The following NEK11 variants were observed in gnomAD, a reference collection of about 807,000 sequenced individuals.
NEK11 encodes the protein serine/threonine-protein kinase Nek11.
A neutral mutation model predicts 80.7 loss-of-function variants in NEK11; 72 were observed. The observed-to-expected ratio is 0.89, with a 90% CI of 0.74 to 1.08. The LOEUF is 1.08. NEK11 is among the 50% of genes least tolerant of loss of function. NEK11 has a pLI of 0.00. For synonymous variants in NEK11, 251 were observed against 260.7 expected (o/e 0.96, Z 0.36); for missense variants, 764 against 763.6 (o/e 1.00, Z -0.01).
At chr3:131,046,232 T>C (rs958226493) in intron 3 of NEK11, among the ~76,000 whole-genome samples, 8 of 152,222 alleles carry the variant, frequency 5.3e-5, no homozygotes, top group Admixed American at 4.6e-4. Context: ...AGGTTCTATT[T>C]TGGTGTATTG....
rs765477458 is a variant in NEK11 at position 131,133,314 on chromosome 3, G to GGGAA, written c.521-499_521-496dup. On this transcript the variant is annotated intron_variant, in intron 6 of 17. Coordinates refer to ENST00000383366, the MANE Select transcript of NEK11 (RefSeq NM_024800.5). ...CTAATCATCATATAGGGTGTACTTG[G>GGGAA]GGAAGGAAGGAAGGAAGGAATAAAA... The GGGAA allele has an allele frequency of 4.7e-5, 21 of 447,070 alleles. No individual in the cohort carries two copies. The East Asian group carries it at 5.0e-4, about 11-fold the overall frequency. The allele number at this position is 447,070 out of a possible 1,614,324, so 27.7% of individuals were successfully genotyped here.
intron 3 of NEK11, among the ~76,000 whole-genome samples, chr3:131,051,715 C>T (rs537539961): frequency 6.6e-6 from 1 of 152,102 alleles, no homozygotes; most frequent in East Asian, 1.9e-4. Context: ...TACAGGGTTT[C>T]AATGTTGTCC....
At chr3:131,229,840 T>C (rs532359850) in intron 15 of NEK11, among the ~76,000 whole-genome samples, 2 of 151,818 alleles carry the variant, frequency 1.3e-5, no homozygotes, top group Admixed American at 6.6e-5. Flanking sequence ...GACAAATACA[T>C]GAAGAGAGAA....
At chr3:131,251,566 ATTGC>A (rs1439560917) in intron 16 of NEK11, among the ~76,000 whole-genome samples, 3 of 152,120 alleles carry the variant, frequency 2.0e-5, no homozygotes, top group Admixed American at 1.3e-4. Context: ...AGATTATCTG[ATTGC>A]AAGGTTCTGA....
rs888012080 is a variant in NEK11, at chr3:131,156,313, A to G, written c.962+1192A>G. Among the ~76,000 whole-genome samples the G allele has an allele frequency of 2.6e-5, 4 of 152,236 alleles. No homozygotes were observed. The East Asian group carries it at 7.7e-4, about 29-fold the overall frequency. On this transcript the variant is annotated intron_variant, in intron 10 of 17. Transcript: ENST00000383366. ...GTCTGGATGGTATCAGAGAGGTATT[A>G]GAACTGTCCTCAGAGGTCATTACAA...
intron 4 of NEK11, among the ~76,000 whole-genome samples, chr3:131,083,245 A>C (rs2149057974): frequency 6.6e-6 from 1 of 152,362 alleles, no homozygotes; most frequent in South Asian, 2.1e-4. Context: ...CAGTTCTATA[A>C]GATTTTTGTT....
chr3:131,051,956 T>G (rs1434152334), intron 3 of NEK11, among the ~76,000 whole-genome samples: 2 of 152,180 alleles, frequency 1.3e-5, no homozygotes, highest in Non-Finnish European at 2.9e-5. Context: ...TTTCTCCTCA[T>G]CCTTCTCTCC....
chr3:131,092,134 A>C (rs879518570), intron 4 of NEK11, among the ~76,000 whole-genome samples: 1 of 152,228 alleles, frequency 6.6e-6, no homozygotes, highest in Non-Finnish European at 1.5e-5. Flanking sequence ...TCAGTCTCTC[A>C]AAATTGGGCA....
intron 4 of NEK11, among the ~76,000 whole-genome samples, 187 bp downstream of exon 4, chr3:131,080,775 G>A (rs2075135959): frequency 6.6e-6 from 1 of 152,030 alleles, no homozygotes; most frequent in African/African-American, 2.4e-5. Flanking sequence ...TCTAAGGAAG[G>A]GTTTTTCCCT....
intron 14 of NEK11, among the ~76,000 whole-genome samples, chr3:131,213,436 G>T (rs955101632): frequency 1.3e-5 from 2 of 152,150 alleles, no homozygotes; most frequent in Non-Finnish European, 2.9e-5. Flanking sequence ...TGGCTTACAA[G>T]GTGTTCTGTC....
Position 131,308,093 on chromosome 3 carries a change from C to T in NEK11, c.1718+34519C>T, listed in dbSNP as rs1171857402. ...GCCCTTGGCTGATTTGATGAGTATG[C>T]TTCTCTACTGTCATGCATTAATTAA... On this transcript the variant is annotated intron_variant, in intron 17 of 17. Coordinates refer to ENST00000383366, the MANE Select transcript of NEK11 (RefSeq NM_024800.5). Among the ~76,000 whole-genome samples, 6 of 152,204 alleles carry T rather than the reference C, an allele frequency of 3.9e-5. No homozygotes were observed. The East Asian group carries it at 1.2e-3, about 29-fold the overall frequency.
chr3:131,056,823 A>G (rs1269945260), intron 3 of NEK11, among the ~76,000 whole-genome samples: 2 of 152,062 alleles, frequency 1.3e-5, no homozygotes, highest in East Asian at 3.9e-4. Context: ...CTCTATGTCT[A>G]TAGGGATGCA....
At chr3:131,158,654 G>A (rs1460471878) in intron 10 of NEK11, among the ~76,000 whole-genome samples, 2 of 152,222 alleles carry the variant, frequency 1.3e-5, no homozygotes, top group African/African-American at 2.4e-5. Context: ...AGGACCACAT[G>A]CACAGTTGCC....
At chr3:131,238,043 TC>T (rs2095460784) in intron 15 of NEK11, among the ~76,000 whole-genome samples, 1 of 152,110 alleles carries the variant, frequency 6.6e-6, no homozygotes, top group South Asian at 2.1e-4. Flanking sequence ...CCTCACTCAC[TC>T]CACCCTTCCA....
In NEK11 at chr3:131,087,753, G is replaced by A. The variant is rs138873534; in HGVS notation, c.336+7165G>A. 4.9e-4 allele frequency among the ~76,000 whole-genome samples: 75 copies of A among 152,254 alleles called. No individual in the cohort carries two copies. The East Asian group carries it at 0.014, about 28-fold the overall frequency. Reference sequence around the variant, plus strand: ...TATTAGAAGTAAATTTGGCAATGACGTGCAGCCACCAGGCTTACTAGTTCT... The same window carrying A: ...TATTAGAAGTAAATTTGGCAATGACATGCAGCCACCAGGCTTACTAGTTCT... On this transcript the variant is annotated intron_variant, in intron 4 of 17. Transcript: ENST00000383366.
chr3:131,115,517 A>C (rs1643133121), intron 5 of NEK11, among the ~76,000 whole-genome samples: 1 of 152,250 alleles, frequency 6.6e-6, no homozygotes, highest in Non-Finnish European at 1.5e-5. Flanking sequence ...TCCTGTACTT[A>C]TTTTAATTTG....
intron 4 of NEK11, among the ~76,000 whole-genome samples, chr3:131,087,235 C>CTTTTTTTT (rs59630167): frequency 2.5e-5 from 2 of 81,204 alleles, no homozygotes; most frequent in Non-Finnish European, 2.3e-5. Flanking sequence ...TATGCAAATT[C>CTTTTTTTT]TTTTTTTTTT....
intron 4 of NEK11, among the ~76,000 whole-genome samples, chr3:131,100,339 G>A (rs1318545130): frequency 4.6e-5 from 7 of 152,194 alleles, no homozygotes; most frequent in Non-Finnish European, 8.8e-5. Flanking sequence ...GCTCATGCCT[G>A]TAATCCCAGC....
At chr3:131,279,810 G>A (rs2096366504) in intron 17 of NEK11, among the ~76,000 whole-genome samples, 1 of 152,186 alleles carries the variant, frequency 6.6e-6, no homozygotes, top group Non-Finnish European at 1.5e-5. Context: ...ATTCTCCACA[G>A]AACTGTCACA....
Sources: gnomAD v4.1 joint callset for allele counts (sites outside exome capture counted in the v4.1 genomes callset) on GRCh38, gnomAD v4.1.1 for gene constraint, MANE v1.5 for transcripts, NCBI Gene and HGNC (gene_info 2026-07-23, HGNC 2026-07-21) for gene names.